The following TMLHE variants were observed in gnomAD, a reference collection of about 807,000 sequenced individuals.
The protein encoded by TMLHE is trimethyllysine dioxygenase, mitochondrial.
Under a neutral mutation model 25.7 loss-of-function variants are expected in TMLHE, and 18 were observed. The ratio of observed to expected loss-of-function variants is 0.70; its 90% CI spans 0.48 to 1.04. TMLHE has a LOEUF of 1.04. Among genes scored for constraint, TMLHE ranks in the 50% least tolerant of loss-of-function variants. The probability of loss-of-function intolerance (pLI) is 0.00; values close to 1 mark genes in which losing one functional copy is unlikely to be tolerated. For missense variants in TMLHE, 236 were observed against 259.0 expected (o/e 0.91, Z 0.61); for synonymous variants, 105 against 97.0 (o/e 1.08, Z -0.49).
At chrX:155,612,145 A>G (rs188529960) in intron 1 of TMLHE, 1 of 111,979 alleles carries the variant, frequency 8.9e-6, no homozygotes, top group Admixed American at 9.4e-5. Flanking sequence ...CATTCAATTA[A>G]TGGTTTGAAT....
intron 4 of TMLHE, among the ~76,000 whole-genome samples, chrX:155,512,345 A>C (rs781839237): frequency 1.1e-5 from 1 of 87,209 alleles, no homozygotes; most frequent in East Asian, 3.7e-4. Flanking sequence ...CAGTCCCCAG[A>C]GTGTGATGTT....
intron 1 of TMLHE, among the ~76,000 whole-genome samples, chrX:155,592,016 A>G (rs1336610219): frequency 1.8e-5 from 2 of 112,061 alleles, no homozygotes; most frequent in Non-Finnish European, 3.8e-5. Context: ...ATTCAGCCTT[A>G]AGAAAGAGGA....
In TMLHE at chrX:155,611,554, G is replaced by C. The variant is rs2067822114; in HGVS notation, c.-2+1238C>G. ...AAGGAAGTGATCTGTTCCAGTCCAA[G>C]CTTCCAAGAAATAAAGAACTAGGTG... On this transcript the variant is annotated intron_variant, in intron 1 of 7. Transcript: ENST00000334398. 2.7e-5 allele frequency: 3 copies of C among 111,351 alleles called. No individual in the cohort carries two copies. In the Admixed American group the frequency reaches 2.9e-4, roughly 11 times the overall value. 9.2% of individuals were successfully genotyped at this position (111,351 alleles called of 1,213,427 possible).
At chrX:155,543,330 C>G (rs1557338390) in intron 2 of TMLHE, among the ~76,000 whole-genome samples, 1 of 111,789 alleles carries the variant, frequency 8.9e-6, no homozygotes, top group African/African-American at 3.2e-5. Flanking sequence ...AACTGTTAGA[C>G]TTAATGAATT....
chrX:155,611,313 C>A (rs1397355601), intron 1 of TMLHE, among the ~76,000 whole-genome samples: 1 of 111,146 alleles, frequency 9.0e-6, no homozygotes, highest in African/African-American at 3.3e-5. Context: ...TGGTGCCCAA[C>A]TGATGGATCC....
At chrX:155,611,074 T>G (rs2067817511) in intron 1 of TMLHE, among the ~76,000 whole-genome samples, 2 of 111,814 alleles carry the variant, frequency 1.8e-5, no homozygotes, top group African/African-American at 6.5e-5. Context: ...CCAGCATAAT[T>G]TTTTTCTCAC....
At chrX:155,582,764 C>T (rs782608834) in intron 1 of TMLHE, among the ~76,000 whole-genome samples, 24 of 111,951 alleles carry the variant, frequency 2.1e-4, no homozygotes, top group African/African-American at 7.8e-4. Flanking sequence ...GACAGTGTGG[C>T]GATTCCTCAA....
chrX:155,521,985 C>G (rs985623014), intron 3 of TMLHE, among the ~76,000 whole-genome samples: 2 of 108,359 alleles, frequency 1.8e-5, no homozygotes, highest in African/African-American at 6.7e-5. Flanking sequence ...CCGTCTTCTG[C>G]GTCGCTCACG....
chrX:155,580,796 AG>A, intron 1 of TMLHE, among the ~76,000 whole-genome samples: 1 of 111,781 alleles, frequency 8.9e-6, no homozygotes, highest in African/African-American at 3.3e-5. Flanking sequence ...CAATAGAAAA[AG>A]AAGGAATCCT....
chrX:155,556,927 G>A (rs2067460882), intron 1 of TMLHE, among the ~76,000 whole-genome samples: 1 of 112,017 alleles, frequency 8.9e-6, no homozygotes, highest in African/African-American at 3.2e-5. Context: ...AGAATTCAGC[G>A]ATATTTCTCC....
chrX:155,593,648 A>G (rs1420089358), intron 1 of TMLHE, among the ~76,000 whole-genome samples: 3 of 112,558 alleles, frequency 2.7e-5, no homozygotes, highest in African/African-American at 9.7e-5. Context: ...CTCTTTAAAA[A>G]GTTCAGTGAA....
rs782763512 is a variant in TMLHE at position 155,538,474 on chromosome X, A to G, written c.181+6622T>C. Among the ~76,000 whole-genome samples the G allele has an allele frequency of 8.1e-5, 9 of 111,762 alleles. No individual in the cohort carries two copies. The East Asian group carries it at 2.5e-3, about 31-fold the overall frequency. ...TCAAATTAGTACTCAATATAGCCAA[A>G]TAATTCTTGCATAATTTCCTAGTAA... On this transcript the variant is annotated intron_variant, in intron 2 of 7. Transcript: ENST00000334398.
chrX:155,523,598 T>G (rs2067201804), intron 3 of TMLHE, among the ~76,000 whole-genome samples: 1 of 111,915 alleles, frequency 8.9e-6, no homozygotes, highest in South Asian at 3.7e-4. Flanking sequence ...TCTTCCCACT[T>G]AATTCTTCAT....
intron 2 of TMLHE, among the ~76,000 whole-genome samples, chrX:155,526,847 A>G (rs1310988913): frequency 8.8e-6 from 1 of 113,108 alleles, no homozygotes; most frequent in African/African-American, 3.2e-5. Flanking sequence ...TTGAACTTGC[A>G]TGGGGCCTGT....
chrX:155,581,753 G>T (rs1246022070), intron 1 of TMLHE, among the ~76,000 whole-genome samples: 1 of 111,833 alleles, frequency 8.9e-6, no homozygotes, highest in Non-Finnish European at 1.9e-5. Context: ...ACTGCCCAAG[G>T]TAATTTATAG....
intron 2 of TMLHE, among the ~76,000 whole-genome samples, chrX:155,541,610 A>G (rs1378133749): frequency 3.6e-5 from 4 of 111,781 alleles, no homozygotes; most frequent in African/African-American, 1.3e-4. Flanking sequence ...AGATCCTTGA[A>G]GAATCTCCAC....
chrX:155,557,325 A>G (rs930111435), intron 1 of TMLHE, among the ~76,000 whole-genome samples: 8 of 112,206 alleles, frequency 7.1e-5, no homozygotes, highest in African/African-American at 2.6e-4. Flanking sequence ...AAATGTCTAT[A>G]AAATCTTCAC....
chrX:155,608,528 A>G (rs1603103211), intron 1 of TMLHE, among the ~76,000 whole-genome samples: 1 of 112,372 alleles, frequency 8.9e-6, no homozygotes, highest in South Asian at 3.7e-4. Flanking sequence ...CATCAAAAGC[A>G]ATGGCAATAA....
At chrX:155,542,771 C>T (rs1438776726) in intron 2 of TMLHE, among the ~76,000 whole-genome samples, 1 of 111,495 alleles carries the variant, frequency 9.0e-6, no homozygotes, top group East Asian at 2.8e-4. Context: ...CTTGCTTGCA[C>T]AGTTCCTGAT....
Sources: gnomAD v4.1 joint callset for allele counts (sites outside exome capture counted in the v4.1 genomes callset) on GRCh38, gnomAD v4.1.1 for gene constraint, MANE v1.5 for transcripts, NCBI Gene and HGNC (gene_info 2026-07-23, HGNC 2026-07-21) for gene names.